Variants in ADCY10 observed in about 807,000 individuals in gnomAD.
The protein encoded by ADCY10 is adenylate cyclase type 10.
In ADCY10, 156 loss-of-function variants were observed where a neutral mutation model predicts 183.3. That is an observed-to-expected ratio of 0.85 (90% CI 0.75 to 0.97). The LOEUF is 0.97. Among genes scored for constraint, ADCY10 ranks in the 50% least tolerant of loss-of-function variants. The pLI is 0.00. For synonymous variants in ADCY10, 645 were observed against 670.0 expected (o/e 0.96, Z 0.58); for missense variants, 1,745 against 1,934.3 (o/e 0.90, Z 1.84).
At chr1:167,813,848 T>A (rs1662361191) in intron 31 of ADCY10, among the ~76,000 whole-genome samples, 1 of 152,146 alleles carries the variant, frequency 6.6e-6, no homozygotes, top group Non-Finnish European at 1.5e-5. Context: ...AAAAATGTAA[T>A]TCTGTGACAT....
chr1:167,895,100 T>G (rs1162783867), intron 7 of ADCY10, among the ~76,000 whole-genome samples: 1 of 150,660 alleles, frequency 6.6e-6, no homozygotes, highest in Non-Finnish European at 1.5e-5. Context: ...GAGAATCGCT[T>G]GAACCCGGGA....
chr1:167,877,408 A>C (rs977860095), intron 12 of ADCY10, among the ~76,000 whole-genome samples: 1 of 151,816 alleles, frequency 6.6e-6, no homozygotes, highest in Non-Finnish European at 1.5e-5. Flanking sequence ...TGAAGGGAAT[A>C]ATAAAGACAC....
intron 28 of ADCY10, among the ~76,000 whole-genome samples, chr1:167,823,444 A>AAG (rs1461218102): frequency 8.7e-5 from 13 of 149,820 alleles, no homozygotes; most frequent in African/African-American, 3.0e-4. Flanking sequence ...AAAAAAAAAA[A>AAG]GCAGTGGATA....
rs138423259 is a variant in ADCY10 at position 167,814,936 on chromosome 1, G to A, written c.4482+3136C>T. 5.6e-4 allele frequency among the ~76,000 whole-genome samples: 85 copies of A among 152,252 alleles called. 1 individual carries two copies. In the East Asian group the frequency reaches 0.014, roughly 26 times the overall value. On this transcript the variant is annotated intron_variant, in intron 31 of 32. Transcript: ENST00000367851. ...AGGTCAGGAGTTCAGGACCAGCCTG[G>A]CCAACATGGTGAAACCCCATCTCTA...
chr1:167,898,774 A>G (rs1037815235), intron 6 of ADCY10, among the ~76,000 whole-genome samples: 3 of 152,082 alleles, frequency 2.0e-5, no homozygotes, highest in African/African-American at 7.2e-5. Context: ...CAGCATCTGC[A>G]CGGATTCTCT....
At chr1:167,859,949 G>T in intron 15 of ADCY10, 56 bp from the exon 16 acceptor site, 1 of 1,326,316 alleles carries the variant, frequency 7.5e-7, no homozygotes. Flanking sequence ...GGGAACTACT[G>T]GCTATGCAAC....
At chr1:167,828,695 C>T (rs556740534) in intron 26 of ADCY10, among the ~76,000 whole-genome samples, 1 of 152,290 alleles carries the variant, frequency 6.6e-6, no homozygotes, top group Admixed American at 6.5e-5. Context: ...GGTGCAGTGC[C>T]TCACGCCTGT....
intron 28 of ADCY10, among the ~76,000 whole-genome samples, chr1:167,823,786 A>G (rs995517136): frequency 1.3e-5 from 2 of 152,102 alleles, no homozygotes; most frequent in Non-Finnish European, 2.9e-5. Context: ...CTTTTTTCAA[A>G]TTGTTCTTTC....
At chr1:167,890,615 C>A (rs1347129373) in intron 8 of ADCY10, among the ~76,000 whole-genome samples, 2 of 152,038 alleles carry the variant, frequency 1.3e-5, no homozygotes, top group East Asian at 3.9e-4. Flanking sequence ...AGGTGCAAAG[C>A]CAGCCAGGTT....
At chr1:167,863,377 C>CTGGCTTACT (rs1558202690) in intron 14 of ADCY10, among the ~76,000 whole-genome samples, 9 of 151,998 alleles carry the variant, frequency 5.9e-5, no homozygotes, top group African/African-American at 2.2e-4. Flanking sequence ...TCACGTACCC[C>CTGGCTTACT]CTGGCTTACT....
At chr1:167,825,876 G>GATAAAAAGATA (rs1663253422) in intron 26 of ADCY10, among the ~76,000 whole-genome samples, 1 of 152,204 alleles carries the variant, frequency 6.6e-6, no homozygotes, top group Non-Finnish European at 1.5e-5. Flanking sequence ...AGTTGCTTCA[G>GATAAAAAGATA]AGTATACATG....
Position 167,828,119 on chromosome 1 carries a change from CTA to C in ADCY10, c.3750+1146_3750+1147del, listed in dbSNP as rs1366430015. Among the ~76,000 whole-genome samples the C allele has an allele frequency of 3.3e-5, 5 of 152,318 alleles. No homozygotes were observed. The South Asian group carries it at 6.2e-4, about 19-fold the overall frequency. Reference sequence around the variant, plus strand: ...TCTAGCTTACTAATCAAAGTTATCTCTATTTTTCTTTGGACTATCTTACAACT... The same window carrying C: ...TCTAGCTTACTAATCAAAGTTATCTCTTTTTCTTTGGACTATCTTACAACT... On this transcript the variant is annotated intron_variant, in intron 26 of 32. Transcript: ENST00000367851.
intron 3 of ADCY10, among the ~76,000 whole-genome samples, chr1:167,902,394 T>C (rs140548671): frequency 4.7e-3 from 710 of 152,340 alleles, no homozygotes; most frequent in Non-Finnish European, 8.4e-3. Flanking sequence ...CAATATATGT[T>C]ATAGGCTGGG....
In ADCY10 at chr1:167,870,427, T is replaced by A; in HGVS notation, c.1463-17A>T. The A allele has an allele frequency of 6.3e-7, 1 of 1,592,008 alleles. No individual in the cohort carries two copies. The highest frequency in any genetic ancestry group is 8.6e-7 in the Non-Finnish European group (1 of 1,162,536). ...TATTACGTCCTGTTATTTTTAGTTT[T>A]AAAAAAGAGCAAACTCAATCAACGT... On this transcript the variant is annotated splice_polypyrimidine_tract_variant and intron_variant, in intron 13 of 32. Transcript: ENST00000367851.
intron 8 of ADCY10, among the ~76,000 whole-genome samples, chr1:167,887,057 A>G (rs1178633888): frequency 6.6e-6 from 1 of 152,174 alleles, no homozygotes; most frequent in East Asian, 1.9e-4. Context: ...CAGGTGCTGG[A>G]GAGGATGTGG....
chr1:167,849,451 A>G (rs543943292), intron 18 of ADCY10, among the ~76,000 whole-genome samples: 33 of 152,298 alleles, frequency 2.2e-4, no homozygotes, highest in African/African-American at 7.5e-4. Context: ...TATTTCCTGG[A>G]GCTCTAAGTC....
In ADCY10 at chr1:167,809,759, A is replaced by T. The variant is rs59725214; in HGVS notation, c.4752T>A (p.Ile1584=). The T allele has an allele frequency of 4.3e-6, 7 of 1,614,128 alleles. No homozygotes were observed. The highest frequency in any genetic ancestry group is 5.9e-6 in the Non-Finnish European group (7 of 1,180,006). ...TILSLPSWEK[I]VAGRVNIQDL... ...CCTGAATGTTTACCCTGCCTGCTAC[A>T]ATTTTTTCCCATGATGGGAGACTCA... is the stretch of plus-strand genomic sequence containing the variant. The change falls in exon 33 of 33, where the codon ATT becomes ATA. Residue 1584 remains isoleucine, a synonymous_variant. Coordinates refer to ENST00000367851, the MANE Select transcript of ADCY10 (RefSeq NM_018417.6).
intron 6 of ADCY10, among the ~76,000 whole-genome samples, chr1:167,898,853 T>C (rs891753471): frequency 6.6e-6 from 1 of 152,250 alleles, no homozygotes; most frequent in Non-Finnish European, 1.5e-5. Context: ...TTTCTTCCAC[T>C]TTCATACCCT....
chr1:167,910,742 CAGAGAACTAAG>C (rs1230062845), intron 1 of ADCY10, among the ~76,000 whole-genome samples: 1 of 152,076 alleles, frequency 6.6e-6, no homozygotes, highest in Non-Finnish European at 1.5e-5. Flanking sequence ...GCTGAGTAGC[CAGAGAACTAAG>C]ATAGGACTGA....
Sources: gnomAD v4.1 joint callset for allele counts (sites outside exome capture counted in the v4.1 genomes callset) on GRCh38, gnomAD v4.1.1 for gene constraint, MANE v1.5 for transcripts, NCBI Gene and HGNC (gene_info 2026-07-23, HGNC 2026-07-21) for gene names.